The following BSN variants were observed in gnomAD, a reference collection of about 807,000 sequenced individuals.
The protein encoded by BSN is protein bassoon.
In BSN, 57 loss-of-function variants were observed where a neutral mutation model predicts 264.8. That is an observed-to-expected ratio of 0.22 (90% CI 0.17 to 0.27). The LOEUF is 0.27. Among genes scored for constraint, BSN ranks in the 10% least tolerant of loss-of-function variants. The probability of loss-of-function intolerance (pLI) is 1.00; values close to 1 mark genes in which losing one functional copy is unlikely to be tolerated. For missense variants in BSN, 4,615 were observed against 5,232.5 expected (o/e 0.88, Z 3.64); for synonymous variants, 2,059 against 2,137.3 (o/e 0.96, Z 1.01).
intron 1 of BSN, among the ~76,000 whole-genome samples, chr3:49,588,367 AG>A (rs1483314312): frequency 6.6e-6 from 1 of 152,128 alleles, no homozygotes; most frequent in East Asian, 1.9e-4. Flanking sequence ...CTTAGAGGAA[AG>A]GCTTTCGATT....
intron 11 of BSN, among the ~76,000 whole-genome samples, chr3:49,665,612 C>G (rs763940245): frequency 6.6e-6 from 1 of 152,238 alleles, no homozygotes; most frequent in Non-Finnish European, 1.5e-5. Flanking sequence ...TCCTGAAGGA[C>G]CTGGTAGTCT....
Position 49,660,951 on chromosome 3 carries a change from C to CCTGCCA in BSN, c.9112_9117dup (p.Thr3038_Ala3039dup), listed in dbSNP as rs953199496. The CCTGCCA allele has an allele frequency of 1.9e-6, 3 of 1,611,954 alleles. No homozygotes were observed. The highest frequency in any genetic ancestry group is 2.2e-5 in the East Asian group (1 of 44,900). ...TCCCGCTGGCCAGTTTGTGGACTTC[C>CCTGCCA]CTGCCACTGCCGCTGCTCCTGCCAC... On this transcript the variant is annotated inframe_insertion, in exon 6 of 12. Transcript: ENST00000296452. This position sits in a 1 kb window ranked among gnomAD's most constrained non-coding sequence, Gnocchi z 7.1.
At chr3:49,607,728 C>T (rs1035521392) in intron 1 of BSN, among the ~76,000 whole-genome samples, 1 of 152,202 alleles carries the variant, frequency 6.6e-6, no homozygotes, top group Non-Finnish European at 1.5e-5. Flanking sequence ...AATGTGTGAA[C>T]ACACGTCAGG....
At chr3:49,632,647 T>TA (rs1559609808) in intron 2 of BSN, among the ~76,000 whole-genome samples, 1 of 151,666 alleles carries the variant, frequency 6.6e-6, no homozygotes, top group Non-Finnish European at 1.5e-5. Context: ...CTACTAAAAA[T>TA]AAAAAAATAA....
chr3:49,575,014 CTT>C (rs1173808892), intron 1 of BSN, among the ~76,000 whole-genome samples: 2 of 152,042 alleles, frequency 1.3e-5, no homozygotes, highest in African/African-American at 4.8e-5. Context: ...TGATGAGACT[CTT>C]CTGGAATTTT....
At chr3:49,619,382 C>T (rs1370037192) in intron 1 of BSN, among the ~76,000 whole-genome samples, 2 of 152,174 alleles carry the variant, frequency 1.3e-5, no homozygotes, top group East Asian at 3.8e-4. Context: ...AAAAAATAAT[C>T]CAAAGAACCC....
At chr3:49,578,351 T>G (rs2051862983) in intron 1 of BSN, among the ~76,000 whole-genome samples, 1 of 152,154 alleles carries the variant, frequency 6.6e-6, no homozygotes, top group Non-Finnish European at 1.5e-5. Context: ...AATTCACTCA[T>G]TTTAACTGTG....
chr3:49,655,807 A>C lies in BSN; in HGVS notation c.6251A>C (p.Glu2084Ala). Residue 2084 changes from glutamate to alanine, a missense_variant, in exon 5 of 12, where the codon GAG becomes GCG. Glu to Ala is a moderately radical substitution (Grantham distance 107, BLOSUM62 -1). Around this residue, in one of 3 missense-constraint regions of BSN, gnomAD observed 3,415 missense variants for 3,866.4 expected, o/e 0.88. Transcript: ENST00000296452. ...GPRGDAVGFQ[E>A]ASLAQYSATT... The stretch of plus-strand genomic sequence containing the variant: ...CGGGGAGATGCAGTTGGCTTCCAGG[A>C]GGCCAGCCTGGCCCAGTACAGTGCC... The C allele has an allele frequency of 6.2e-7, 1 of 1,613,400 alleles. No homozygotes were observed. Among genetic ancestry groups the C allele is most frequent in the Non-Finnish European group, 8.5e-7 (1 of 1,180,026 alleles).
At chr3:49,572,318 C>G (rs969997974) in intron 1 of BSN, among the ~76,000 whole-genome samples, 6 of 152,126 alleles carry the variant, frequency 3.9e-5, no homozygotes, top group Admixed American at 2.0e-4. Context: ...GTTTGGGCTC[C>G]CTAGGGCCTT....
intron 10 of BSN, 42 bp downstream of exon 10, chr3:49,664,895 C>A (rs2052700768): frequency 1.1e-5 from 16 of 1,493,058 alleles, no homozygotes; most frequent in Non-Finnish European, 1.3e-5. Context: ...CTGGGAAAGG[C>A]CCGAGGCACT....
Position 49,642,587 on chromosome 3 carries a change from G to C in BSN, c.953G>C (p.Arg318Thr). The change falls in exon 3 of 12, where the codon AGG becomes ACG. Residue 318 changes from arginine to threonine, a missense_variant. Coordinates refer to ENST00000296452, the MANE Select transcript of BSN (RefSeq NM_003458.4). The surrounding 1 kb of genome is among the most constrained non-coding windows in gnomAD (Gnocchi z 7.0). ...QPTKPSTAEP[R>T]PPAGEAPAKS... ...ACCAAGCCTTCCACAGCTGAGCCCAGGCCACCTGCAGGAGAGGCCCCGGCC... is the reference window on the plus strand; with the variant it reads ...ACCAAGCCTTCCACAGCTGAGCCCACGCCACCTGCAGGAGAGGCCCCGGCC... The C allele has an allele frequency of 1.2e-6, 2 of 1,605,612 alleles. No individual in the cohort carries two copies. Among genetic ancestry groups the C allele is most frequent in the Non-Finnish European group, 1.7e-6 (2 of 1,175,020 alleles).
At chr3:49,639,477 C>T (rs1247393446) in intron 2 of BSN, among the ~76,000 whole-genome samples, 1 of 152,178 alleles carries the variant, frequency 6.6e-6, no homozygotes, top group African/African-American at 2.4e-5. Context: ...GGATTACAGG[C>T]GTGAGCCACG....
Position 49,657,227 on chromosome 3 carries a change from C to T in BSN, c.7671C>T (p.His2557=). 3 of 1,613,490 alleles carry T rather than the reference C, an allele frequency of 1.9e-6. No homozygotes were observed. The highest frequency in any genetic ancestry group is 1.1e-5 in the South Asian group (1 of 91,090). The stretch of plus-strand genomic sequence containing the variant: ...GCCGTAGTGGCATCAAGAAGCGGCA[C>T]TCCATGCCACGCCTGCGGGATGCCT... ...EASRSGIKKR[H]SMPRLRDACE... The change falls in exon 5 of 12, where the codon CAC becomes CAT. Residue 2557 remains histidine, a synonymous_variant. Coordinates refer to ENST00000296452, the MANE Select transcript of BSN (RefSeq NM_003458.4).
chr3:49,622,205 G>A (rs2052312202), intron 1 of BSN, among the ~76,000 whole-genome samples: 2 of 152,146 alleles, frequency 1.3e-5, no homozygotes, highest in South Asian at 4.1e-4. Flanking sequence ...GAGATGGTCA[G>A]CAGGTCATCA....
intron 1 of BSN, among the ~76,000 whole-genome samples, chr3:49,604,070 T>C (rs1182069424): frequency 3.3e-5 from 5 of 152,176 alleles, no homozygotes; most frequent in African/African-American, 9.7e-5. Flanking sequence ...TGGTAAAATA[T>C]ATGTCACATA....
Position 49,662,541 on chromosome 3 carries a change from T to C in BSN, c.10696T>C (p.Cys3566Arg), listed in dbSNP as rs1326717208. The C allele has an allele frequency of 6.3e-7, 1 of 1,593,310 alleles. No homozygotes were observed. Among genetic ancestry groups the C allele is most frequent in the Middle Eastern group, 1.7e-4 (1 of 5,946 alleles). ...GGGCTACATCCTGGATGATTCCCAT[T>C]GCGTGGTTTCCGACAGCGAAGGTAA... ...EEGYILDDSHCVVSDSEAYHL... is the reference protein window; with the variant it reads ...EEGYILDDSHRVVSDSEAYHL... Residue 3566 changes from cysteine (C) to arginine (R), a missense_variant, in exon 6 of 12, where the codon TGC becomes CGC. Physicochemically the swap from Cys to Arg is radical, Grantham distance 180. Coordinates refer to ENST00000296452, the MANE Select transcript of BSN (RefSeq NM_003458.4).
At chr3:49,613,303 C>CGAGCGAGAGAGA (rs1553662875) in intron 1 of BSN, among the ~76,000 whole-genome samples, 5 of 47,344 alleles carry the variant, frequency 1.1e-4, no homozygotes, top group African/African-American at 2.8e-4. Flanking sequence ...ACACACAGAG[C>CGAGCGAGAGAGA]GAGAGAGAGA....
chr3:49,555,890 A>G, intron 1 of BSN, among the ~76,000 whole-genome samples: 1 of 152,128 alleles, frequency 6.6e-6, no homozygotes. Context: ...ATAATTTTTT[A>G]TTCTTTGGCT....
intron 1 of BSN, among the ~76,000 whole-genome samples, chr3:49,570,289 G>A (rs2051785488): frequency 6.6e-6 from 1 of 152,166 alleles, no homozygotes; most frequent in African/African-American, 2.4e-5. Context: ...CTAAGCCAGT[G>A]GAAGAAAGGG....
Sources: allele counts gnomAD v4.1 joint callset (sites outside exome capture counted in the v4.1 genomes callset), GRCh38; gene constraint gnomAD v4.1.1; regional missense constraint gnomAD v4.1.1; non-coding constraint Gnocchi (gnomAD v3.1); transcripts MANE v1.5; gene names NCBI Gene and HGNC (gene_info 2026-07-23, HGNC 2026-07-21).